Variants in PAX5 observed in about 807,000 individuals in gnomAD.
PAX5 encodes the protein paired box protein Pax-5.
PAX5 carries 9 observed loss-of-function variants against 43.7 expected under a neutral mutation model. The observed-to-expected ratio is 0.21, with a 90% CI of 0.12 to 0.36. The LOEUF (loss-of-function observed/expected upper bound fraction) is 0.36. Ranked by LOEUF, PAX5 falls within the 10% of genes least tolerant of loss-of-function variation. The probability of loss-of-function intolerance (pLI) is 1.00; values close to 1 mark genes in which losing one functional copy is unlikely to be tolerated. For synonymous variants in PAX5, 228 were observed against 214.3 expected (o/e 1.06, Z -0.56); for missense variants, 383 against 532.7 (o/e 0.72, Z 2.77).
chr9:36,937,950 A>G (rs931552992), intron 6 of PAX5, among the ~76,000 whole-genome samples: 6 of 152,198 alleles, frequency 3.9e-5, no homozygotes, highest in Non-Finnish European at 7.3e-5. Flanking sequence ...CAGGCATGTG[A>G]CTGTTTGCTT....
chr9:36,911,882 C>T (rs1829325455), intron 7 of PAX5, among the ~76,000 whole-genome samples: 1 of 152,236 alleles, frequency 6.6e-6, no homozygotes, highest in Non-Finnish European at 1.5e-5. Flanking sequence ...CCAGCCTGGG[C>T]TCCCCAGCCC....
At position 37,015,057 on chromosome 9, in the gene PAX5, C is replaced by T. The variant is rs374738065; in HGVS notation, c.350G>A (p.Arg117Gln). The change falls in exon 3 of 10, where the codon CGG becomes CAG. Residue 117 changes from arginine to glutamine, a missense_variant. Arg to Gln is a conservative substitution (Grantham distance 43, BLOSUM62 1). Transcript: ENST00000358127. This position sits in a 1 kb window ranked among gnomAD's most constrained non-coding sequence, Gnocchi z 4.4. Reference sequence around the variant, plus strand: ...GTCACACACCCGCTCTGCCAGCAGCCGGTCCCTGATCTCCCAGGCAAACAT... The same window carrying T: ...GTCACACACCCGCTCTGCCAGCAGCTGGTCCCTGATCTCCCAGGCAAACAT... Reference protein sequence around the residue: ...PTMFAWEIRDRLLAERVCDND... With the variant: ...PTMFAWEIRDQLLAERVCDND... The T allele has an allele frequency of 3.7e-6, 6 of 1,614,090 alleles. No homozygotes were observed. Among genetic ancestry groups the T allele is most frequent in the African/African-American group, 1.3e-5 (1 of 74,930 alleles).
chr9:36,890,405 C>A (rs1036149303), intron 7 of PAX5, among the ~76,000 whole-genome samples: 1 of 152,148 alleles, frequency 6.6e-6, no homozygotes, highest in Non-Finnish European at 1.5e-5. Flanking sequence ...TATGGGGGAA[C>A]TGGCTGGGAA....
chr9:36,841,225 C>T (rs1200646023), intron 9 of PAX5, among the ~76,000 whole-genome samples: 1 of 152,244 alleles, frequency 6.6e-6, no homozygotes, highest in Non-Finnish European at 1.5e-5. Context: ...CTCCTTGCAG[C>T]TGTCTCATAC....
chr9:37,029,515 A>T (rs762886914), intron 1 of PAX5, among the ~76,000 whole-genome samples: 2 of 152,174 alleles, frequency 1.3e-5, no homozygotes. Flanking sequence ...GCCTGTCCGG[A>T]TCTTCCCCTT....
intron 6 of PAX5, among the ~76,000 whole-genome samples, chr9:36,958,160 C>T (rs1443573858): frequency 1.3e-5 from 2 of 152,100 alleles, no homozygotes; most frequent in South Asian, 2.1e-4. Flanking sequence ...AGCATGTGGG[C>T]GTCATACTCA....
chr9:36,869,907 G>C (rs1825288641), intron 8 of PAX5, among the ~76,000 whole-genome samples: 2 of 145,932 alleles, frequency 1.4e-5, no homozygotes, highest in Admixed American at 1.3e-4. Context: ...TGGATGGATG[G>C]ATGGATGGAT....
Position 36,879,174 on chromosome 9 carries a change from C to G in PAX5, c.1012+2830G>C, listed in dbSNP as rs551613445. Among the ~76,000 whole-genome samples the G allele has an allele frequency of 2.0e-5, 3 of 152,326 alleles. No individual in the cohort carries two copies. In the South Asian group the frequency reaches 6.2e-4, roughly 32 times the overall value. Reference sequence around the variant, plus strand: ...CTGCCAGGCTTGGTGAAGCTGTGCCCCTGCTCGGGCCTGTGATTCCTGCTG... The same window carrying G: ...CTGCCAGGCTTGGTGAAGCTGTGCCGCTGCTCGGGCCTGTGATTCCTGCTG... On this transcript the variant is annotated intron_variant, in intron 8 of 9. Coordinates refer to ENST00000358127, the MANE Select transcript of PAX5 (RefSeq NM_016734.3).
At chr9:37,025,105 C>T (rs543996163) in intron 1 of PAX5, among the ~76,000 whole-genome samples, 1 of 152,188 alleles carries the variant, frequency 6.6e-6, no homozygotes, top group Non-Finnish European at 1.5e-5. Flanking sequence ...GACTGGAAAC[C>T]GGTTGGGCGC....
chr9:36,909,839 A>C, intron 7 of PAX5, among the ~76,000 whole-genome samples: 1 of 17,496 alleles, frequency 5.7e-5, no homozygotes, highest in South Asian at 2.0e-3. Context: ...TTTTTTTTTT[A>C]GATATAGGGT....
intron 5 of PAX5, among the ~76,000 whole-genome samples, chr9:36,993,817 G>T (rs1411060470): frequency 6.6e-6 from 1 of 152,054 alleles, no homozygotes; most frequent in African/African-American, 2.4e-5. Flanking sequence ...CTCTTTTACT[G>T]GTTGGCCCCC....
intron 6 of PAX5, among the ~76,000 whole-genome samples, chr9:36,931,243 G>A (rs58597429): frequency 0.28 from 42,291 of 152,142 alleles, 6,511 homozygotes; most frequent in Non-Finnish European, 0.34. Flanking sequence ...TGTCTCCAGA[G>A]CCTGGCTCCA....
At chr9:36,869,645 G>A (rs1825229277) in intron 8 of PAX5, among the ~76,000 whole-genome samples, 1 of 152,186 alleles carries the variant, frequency 6.6e-6, no homozygotes, top group Non-Finnish European at 1.5e-5. Context: ...GGGCTTGCCT[G>A]TTACCACAAC....
intron 7 of PAX5, among the ~76,000 whole-genome samples, chr9:36,898,828 C>A (rs959945852): frequency 6.6e-6 from 1 of 152,100 alleles, no homozygotes; most frequent in African/African-American, 2.4e-5. Flanking sequence ...GACATCCTGG[C>A]ACCCACTGGC....
In PAX5 at chr9:36,838,515, G is replaced by A. The variant is rs578128421; in HGVS notation, c.*2045C>T. ...GGACTTAGGGAACAAAATACTTAGC[G>A]GTGGCCAGAGGAAGTCTGCTTTTTC... On this transcript the variant is annotated 3_prime_UTR_variant, in exon 10 of 10. Transcript: ENST00000358127. 5.6e-5 allele frequency: 13 copies of A among 232,908 alleles called. No individual in the cohort carries two copies. Among genetic ancestry groups the A allele is most frequent in the Admixed American group, 1.1e-4 (2 of 17,776 alleles). The allele number at this position is 232,908 out of a possible 1,614,324, so 14.4% of individuals were successfully genotyped here.
intron 4 of PAX5, among the ~76,000 whole-genome samples, chr9:37,005,939 G>A (rs1025676388): frequency 1.3e-5 from 2 of 152,152 alleles, no homozygotes; most frequent in Non-Finnish European, 2.9e-5. Flanking sequence ...CGTCACCTGC[G>A]AGCACTGGAA....
chr9:36,864,831 C>CGCCGGA (rs1563908305), intron 8 of PAX5, among the ~76,000 whole-genome samples: 1 of 152,156 alleles, frequency 6.6e-6, no homozygotes. Flanking sequence ...GGTGGGCCGG[C>CGCCGGA]GCCGGAGCCG....
chr9:36,868,934 G>A (rs1305306558), intron 8 of PAX5, among the ~76,000 whole-genome samples: 2 of 152,218 alleles, frequency 1.3e-5, no homozygotes, highest in Non-Finnish European at 2.9e-5. Context: ...GCACCATGCA[G>A]GTTGGGGGTG....
chr9:36,977,780 C>A (rs1835569789), intron 5 of PAX5, among the ~76,000 whole-genome samples: 1 of 152,218 alleles, frequency 6.6e-6, no homozygotes, highest in Non-Finnish European at 1.5e-5. Flanking sequence ...AGGCATGAAC[C>A]ACCATGTCCA....
Sources: allele counts gnomAD v4.1 joint callset (sites outside exome capture counted in the v4.1 genomes callset), GRCh38; gene constraint gnomAD v4.1.1; non-coding constraint Gnocchi (gnomAD v3.1); transcripts MANE v1.5; gene names NCBI Gene and HGNC (gene_info 2026-07-23, HGNC 2026-07-21).